DBX2: variants seen among roughly 807,000 people sequenced by gnomAD.
DBX2 encodes homeobox protein DBX2.
Under a neutral mutation model 17.7 loss-of-function variants are expected in DBX2, and 16 were observed. That is an observed-to-expected ratio of 0.90 (90% CI 0.61 to 1.37). The LOEUF is 1.37. Among genes scored for constraint, DBX2 ranks in the 40% most tolerant of loss-of-function variants. The pLI is 0.00. For synonymous variants in DBX2, 255 were observed against 183.8 expected (o/e 1.39, Z -3.13); for missense variants, 538 against 433.8 (o/e 1.24, Z -2.13).
intron 3 of DBX2, among the ~76,000 whole-genome samples, chr12:45,017,147 G>A (rs1946328571): frequency 6.6e-6 from 1 of 151,920 alleles, no homozygotes; most frequent in East Asian, 1.9e-4. Flanking sequence ...GTGATAAGTT[G>A]GTTACACCCT....
intron 1 of DBX2, 53 bp from the exon 2 acceptor site, chr12:45,036,167 C>A: frequency 6.8e-7 from 1 of 1,468,638 alleles, no homozygotes; most frequent in Non-Finnish European, 9.1e-7. Flanking sequence ...AGACAATATT[C>A]AAAACTCCAG....
intron 1 of DBX2, among the ~76,000 whole-genome samples, chr12:45,046,000 C>T (rs1946498052): frequency 6.6e-6 from 1 of 152,150 alleles, no homozygotes; most frequent in Non-Finnish European, 1.5e-5. Flanking sequence ...TATTTGCCTG[C>T]TCCATGTACT....
In DBX2 at chr12:45,035,480, G is replaced by A. The variant is rs189065663; in HGVS notation, c.499+539C>T. On this transcript the variant is annotated intron_variant, in intron 2 of 3. Coordinates refer to ENST00000332700, the MANE Select transcript of DBX2 (RefSeq NM_001004329.3). ...CACCCCCAGACTCTACTAAAATGTT[G>A]CTTTTACAATGTTGGGAGAAGAGTT... Among the ~76,000 whole-genome samples the A allele has an allele frequency of 7.2e-5, 11 of 152,292 alleles. No homozygotes were observed. The East Asian group carries it at 2.1e-3, about 29-fold the overall frequency.
At chr12:45,025,221 G>T (rs559168230) in intron 2 of DBX2, among the ~76,000 whole-genome samples, 2 of 152,136 alleles carry the variant, frequency 1.3e-5, no homozygotes, top group African/African-American at 4.8e-5. Context: ...CCTTATAATT[G>T]GAAGAGGGAG....
chr12:45,050,698 G>C lies in DBX2; in HGVS notation c.230C>G (p.Pro77Arg). ...CAGCTTTAGGGGAACTGGGCTAGCA[G>C]GCAGGGGCCGGAGCTGCGCGCCCGC... Reference protein sequence around the residue: ...ATAGAQLRPLPASPVPLKLCP... With the variant: ...ATAGAQLRPLRASPVPLKLCP... The change falls in exon 1 of 4, where the codon CCT becomes CGT. Residue 77 changes from proline to arginine, a missense_variant. Coordinates refer to ENST00000332700, the MANE Select transcript of DBX2 (RefSeq NM_001004329.3). 6.6e-7 allele frequency: 1 copy of C among 1,526,172 alleles called. No homozygotes were observed. Among genetic ancestry groups the C allele is most frequent in the Admixed American group, 2.1e-5 (1 of 48,350 alleles). 94.5% of individuals were successfully genotyped at this position (1,526,172 alleles called of 1,614,324 possible).
chr12:45,050,122 G>T (rs1946521376), intron 1 of DBX2, among the ~76,000 whole-genome samples: 2 of 152,126 alleles, frequency 1.3e-5, no homozygotes, highest in Non-Finnish European at 2.9e-5. Context: ...GAACTTTTCT[G>T]AGAGCTGGTG....
At chr12:45,041,113 C>A (rs1946468811) in intron 1 of DBX2, among the ~76,000 whole-genome samples, 1 of 140,722 alleles carries the variant, frequency 7.1e-6, no homozygotes, top group Non-Finnish European at 1.5e-5. Flanking sequence ...ATTATTATAA[C>A]AAATAATAAT....
intron 2 of DBX2, among the ~76,000 whole-genome samples, chr12:45,034,006 T>C (rs576163031): frequency 6.6e-6 from 1 of 152,168 alleles, no homozygotes; most frequent in African/African-American, 2.4e-5. Context: ...GCATTACTTT[T>C]ACATGCTCTA....
Position 45,036,038 on chromosome 12 carries a change from T to G in DBX2, c.480A>C (p.Ala160=), listed in dbSNP as rs61739294. 1,513 of 1,613,542 alleles carry G rather than the reference T, an allele frequency of 9.4e-4. 17 individuals are homozygous for G. In the African/African-American group the frequency reaches 0.017, roughly 19 times the overall value. ...ACCGGSCRRP[A]SSTAFPREES... ...ACTTACTTGGAAAAGCAGTGGAGGA[T>G]GCAGGGCGCCGACAGGACCCACCGC... The change falls in exon 2 of 4, where the codon GCA becomes GCC. Residue 160 remains alanine, a synonymous_variant. Transcript: ENST00000332700.
At chr12:45,049,724 T>C (rs1282204193) in intron 1 of DBX2, among the ~76,000 whole-genome samples, 3 of 152,146 alleles carry the variant, frequency 2.0e-5, no homozygotes, top group South Asian at 2.1e-4. Context: ...TTTTCCCTTT[T>C]ATCACTGACA....
chr12:45,027,661 T>C (rs990957168), intron 2 of DBX2, among the ~76,000 whole-genome samples: 1 of 152,204 alleles, frequency 6.6e-6, no homozygotes, highest in Admixed American at 6.5e-5. Context: ...TAAGCAAAAA[T>C]GCAGAGAAAA....
intron 2 of DBX2, among the ~76,000 whole-genome samples, chr12:45,029,269 G>A (rs112852822): frequency 1.9e-3 from 294 of 152,278 alleles, no homozygotes; most frequent in African/African-American, 6.7e-3. Flanking sequence ...CTATCAATTC[G>A]AGGATATTAT....
chr12:45,029,812 C>T (rs1017418952), intron 2 of DBX2, among the ~76,000 whole-genome samples: 5 of 150,426 alleles, frequency 3.3e-5, no homozygotes, highest in Non-Finnish European at 7.4e-5. Flanking sequence ...TGTAGCAAGC[C>T]GAGATCATGC....
At chr12:45,023,946 C>T (rs1356888030) in intron 2 of DBX2, 52 bp from the exon 3 acceptor site, 1 of 1,492,382 alleles carries the variant, frequency 6.7e-7, no homozygotes, top group Non-Finnish European at 8.9e-7. Flanking sequence ...AGAAAGAAGT[C>T]AGTCTTTCCT....
intron 2 of DBX2, among the ~76,000 whole-genome samples, chr12:45,033,328 T>A (rs1946419765): frequency 6.6e-6 from 1 of 152,324 alleles, no homozygotes; most frequent in Non-Finnish European, 1.5e-5. Flanking sequence ...ATTAAACTTT[T>A]TAATATAAAC....
intron 2 of DBX2, among the ~76,000 whole-genome samples, chr12:45,026,940 T>C (rs938876222): frequency 2.0e-5 from 3 of 152,210 alleles, no homozygotes; most frequent in Non-Finnish European, 4.4e-5. Context: ...GCCAAGATCA[T>C]ATCTTGAAGT....
At chr12:45,018,758 T>C (rs1170172947) in intron 3 of DBX2, among the ~76,000 whole-genome samples, 1 of 151,930 alleles carries the variant, frequency 6.6e-6, no homozygotes, top group Admixed American at 6.6e-5. Flanking sequence ...TAGGAACAGA[T>C]AAATGGATAA....
intron 2 of DBX2, 139 bp downstream of exon 2, chr12:45,035,880 G>A: frequency 1.3e-5 from 10 of 795,260 alleles, no homozygotes; most frequent in Non-Finnish European, 2.0e-5. Context: ...GAAACCTCTT[G>A]AATAAGATCG....
At chr12:45,032,691 C>A (rs1199030112) in intron 2 of DBX2, among the ~76,000 whole-genome samples, 1 of 152,168 alleles carries the variant, frequency 6.6e-6, no homozygotes, top group Non-Finnish European at 1.5e-5. Context: ...CCAAAAGGCA[C>A]AGCAGTTTGT....
Sources: allele counts gnomAD v4.1 joint callset (sites outside exome capture counted in the v4.1 genomes callset), GRCh38; gene constraint gnomAD v4.1.1; transcripts MANE v1.5; gene names NCBI Gene and HGNC (gene_info 2026-07-23, HGNC 2026-07-21).